Variants in ARHGAP40 observed in about 807,000 individuals in gnomAD.
ARHGAP40 encodes the protein rho GTPase-activating protein 40.
Under a neutral mutation model 73.5 loss-of-function variants are expected in ARHGAP40, and 43 were observed. The ratio of observed to expected loss-of-function variants is 0.58; its 90% CI spans 0.46 to 0.75. The LOEUF (loss-of-function observed/expected upper bound fraction) is 0.75, where lower values mean the gene tolerates loss of function less well. ARHGAP40 is among the 30% of genes least tolerant of loss of function. The pLI, the probability that ARHGAP40 is intolerant of heterozygous loss-of-function variation, is 0.00. For missense variants in ARHGAP40, 734 were observed against 861.8 expected (o/e 0.85, Z 1.86); for synonymous variants, 300 against 352.8 (o/e 0.85, Z 1.68).
At chr20:38,649,590 T>C (rs1356012995) in intron 14 of ARHGAP40, among the ~76,000 whole-genome samples, 167 bp from the exon 15 acceptor site, 1 of 152,220 alleles carries the variant, frequency 6.6e-6, no homozygotes, top group East Asian at 1.9e-4. Context: ...GCAAGGCATC[T>C]TCCCTCAGCG....
chr20:38,622,272 A>G (rs2088877656), intron 1 of ARHGAP40, among the ~76,000 whole-genome samples: 1 of 152,174 alleles, frequency 6.6e-6, no homozygotes, highest in Non-Finnish European at 1.5e-5. Flanking sequence ...TGCAGAATAT[A>G]CATTTTTCCC....
intron 1 of ARHGAP40, among the ~76,000 whole-genome samples, chr20:38,602,374 G>C (rs575445528): frequency 6.9e-6 from 1 of 145,208 alleles, no homozygotes; most frequent in African/African-American, 2.6e-5. Context: ...CGTGAGTGAC[G>C]CCAGTATGTG....
In ARHGAP40 at chr20:38,629,668, A is replaced by G. The variant is rs1266047668; in HGVS notation, c.783+18A>G. The G allele has an allele frequency of 7.7e-6, 10 of 1,304,282 alleles. No homozygotes were observed. In the East Asian group the frequency reaches 3.3e-4, roughly 43 times the overall value. The allele number at this position is 1,304,282 out of a possible 1,614,324, so 80.8% of individuals were successfully genotyped here. On this transcript the variant is annotated intron_variant, in intron 5 of 14. Coordinates refer to ENST00000373345, the Ensembl canonical transcript of ARHGAP40. The stretch of plus-strand genomic sequence containing the variant: ...CCCTGCCGGTGAGGATGCTGTCCAC[A>G]GGGCTGGTTGGCTAGGTCCCCCTGT...
chr20:38,636,255 T>C (rs2088974198), intron 6 of ARHGAP40, among the ~76,000 whole-genome samples: 1 of 151,512 alleles, frequency 6.6e-6, no homozygotes, highest in African/African-American at 2.4e-5. Context: ...ACATGATTTT[T>C]ATTTATTTAT....
At chr20:38,616,968 C>T (rs1389723596) in intron 1 of ARHGAP40, among the ~76,000 whole-genome samples, 7 of 110,896 alleles carry the variant, frequency 6.3e-5, no homozygotes, top group Admixed American at 5.6e-4. Flanking sequence ...TATTTTGAGA[C>T]GGAGTCTCAC....
At chr20:38,625,040 C>T (rs990123243) in intron 2 of ARHGAP40, among the ~76,000 whole-genome samples, 1 of 152,268 alleles carries the variant, frequency 6.6e-6, no homozygotes. Context: ...ACATGGAACC[C>T]TTCCTGGTTT....
At chr20:38,605,869 A>C (rs898064388) in intron 1 of ARHGAP40, among the ~76,000 whole-genome samples, 1 of 152,176 alleles carries the variant, frequency 6.6e-6, no homozygotes, top group African/African-American at 2.4e-5. Context: ...TCCTGGAAAG[A>C]CATAGAAATC....
intron 3 of ARHGAP40, among the ~76,000 whole-genome samples, chr20:38,628,353 A>G (rs1438392012): frequency 1.4e-5 from 2 of 148,122 alleles, no homozygotes; most frequent in Non-Finnish European, 2.9e-5. Context: ...CGCCCAGGCT[A>G]GAGTGCAGTG....
chr20:38,623,865 A>G (rs923240537), intron 2 of ARHGAP40, among the ~76,000 whole-genome samples: 1 of 152,210 alleles, frequency 6.6e-6, no homozygotes, highest in African/African-American at 2.4e-5. Flanking sequence ...CTGGGGATAC[A>G]ACAGTGAACA....
intron 9 of ARHGAP40, among the ~76,000 whole-genome samples, chr20:38,639,789 G>T (rs985295644): frequency 1.3e-5 from 2 of 152,254 alleles, no homozygotes; most frequent in African/African-American, 4.8e-5. Context: ...CACATCTGCA[G>T]ATCAGCATGT....
At chr20:38,645,150 T>C (rs1458297734) in intron 11 of ARHGAP40, among the ~76,000 whole-genome samples, 10 of 87,532 alleles carry the variant, frequency 1.1e-4, no homozygotes, top group Non-Finnish European at 1.9e-4. Flanking sequence ...TTCCCTTCCC[T>C]TTTTTTTTTT....
chr20:38,633,866 G>C (rs1265424842), intron 5 of ARHGAP40, among the ~76,000 whole-genome samples: 1 of 152,236 alleles, frequency 6.6e-6, no homozygotes, highest in Non-Finnish European at 1.5e-5. Flanking sequence ...CAAGGCTGGG[G>C]ACAGAGCCGG....
At chr20:38,606,382 C>G (rs2088770794) in intron 1 of ARHGAP40, among the ~76,000 whole-genome samples, 1 of 152,140 alleles carries the variant, frequency 6.6e-6, no homozygotes, top group African/African-American at 2.4e-5. Flanking sequence ...ATTTAAAATT[C>G]TGAAACATAT....
intron 2 of ARHGAP40, among the ~76,000 whole-genome samples, chr20:38,625,670 T>G (rs2145602942): frequency 6.6e-6 from 1 of 152,302 alleles, no homozygotes; most frequent in East Asian, 1.9e-4. Flanking sequence ...CTGCCCACCT[T>G]GGCCTCCCAA....
exon 4 of ARHGAP40, chr20:38,628,958 T>A: frequency 7.7e-7 from 1 of 1,305,126 alleles, no homozygotes; most frequent in East Asian, 5.6e-5. Flanking sequence ...GACTCCGGTA[T>A]GAAGGGGGCC....
At chr20:38,606,402 T>C (rs116448077) in intron 1 of ARHGAP40, among the ~76,000 whole-genome samples, 94 of 152,272 alleles carry the variant, frequency 6.2e-4, no homozygotes, top group African/African-American at 2.2e-3. Flanking sequence ...TTCTGGGTGG[T>C]TTTCCAGGAA....
intron 1 of ARHGAP40, among the ~76,000 whole-genome samples, chr20:38,618,388 T>C (rs2088855567): frequency 6.6e-6 from 1 of 152,202 alleles, no homozygotes; most frequent in Non-Finnish European, 1.5e-5. Flanking sequence ...ATTACAGGTG[T>C]GAGCCACCGC....
At chr20:38,607,966 T>TTA (rs1290415355) in intron 1 of ARHGAP40, among the ~76,000 whole-genome samples, 1 of 152,158 alleles carries the variant, frequency 6.6e-6, no homozygotes, top group African/African-American at 2.4e-5. Flanking sequence ...CAGGAACTCT[T>TTA]TATATATATA....
chr20:38,603,447 ATCTATCTATCT>A (rs1336778168), intron 1 of ARHGAP40, among the ~76,000 whole-genome samples: 1 of 145,466 alleles, frequency 6.9e-6, no homozygotes, highest in African/African-American at 2.5e-5. Flanking sequence ...CTATCTATCT[ATCTATCTATCT>A]ATCTATTCTA....
Sources: gnomAD v4.1 joint callset for allele counts (sites outside exome capture counted in the v4.1 genomes callset) on GRCh38, gnomAD v4.1.1 for gene constraint, MANE v1.5 for transcripts, NCBI Gene and HGNC (gene_info 2026-07-23, HGNC 2026-07-21) for gene names.